COLEC12: variants seen among roughly 807,000 people sequenced by gnomAD.
COLEC12 encodes collectin subfamily member 12, also known as collectin-12.
A neutral mutation model predicts 71.1 loss-of-function variants in COLEC12; 33 were observed. The ratio of observed to expected loss-of-function variants is 0.46; its 90% CI spans 0.35 to 0.62. The LOEUF (loss-of-function observed/expected upper bound fraction) is 0.62, where lower values mean the gene tolerates loss of function less well. Ranked by LOEUF, COLEC12 falls within the 20% of genes least tolerant of loss-of-function variation. The probability of loss-of-function intolerance (pLI) is 0.00; values close to 1 mark genes in which losing one functional copy is unlikely to be tolerated. For missense variants in COLEC12, 765 were observed against 916.1 expected, an observed-to-expected ratio of 0.84 and a Z score of 2.13; for synonymous variants, 350 against 353.0, an observed-to-expected ratio of 0.99 and a Z score of 0.10.
chr18:416,054 C>A (rs1022170747), intron 2 of COLEC12, among the ~76,000 whole-genome samples: 2 of 152,216 alleles, frequency 1.3e-5, no homozygotes, highest in Non-Finnish European at 2.9e-5. Context: ...ACTGAGTTAT[C>A]ATCATGCTAG....
At chr18:464,480 ACTGT>A (rs767278331) in intron 2 of COLEC12, among the ~76,000 whole-genome samples, 47 of 152,216 alleles carry the variant, frequency 3.1e-4, no homozygotes, top group Non-Finnish European at 5.7e-4. Flanking sequence ...TCTCCCACTG[ACTGT>A]CTGGGGACTT....
chr18:379,852 C>T lies in COLEC12; in HGVS notation c.59-22330G>A, dbSNP rs528898256. 2.9e-4 allele frequency among the ~76,000 whole-genome samples: 44 copies of T among 152,080 alleles called. 1 individual carries two copies. Among genetic ancestry groups the T allele is most frequent in the East Asian group, 7.8e-4 (4 of 5,150 alleles). ...AGCATGGCTGGGACAGTGCGCAGGA[C>T]GAAAGCCATCTGGTAGCTTTGCTTG... is the stretch of plus-strand genomic sequence containing the variant. On this transcript the variant is annotated intron_variant, in intron 2 of 9. Coordinates refer to ENST00000400256, the MANE Select transcript of COLEC12 (RefSeq NM_130386.3).
chr18:402,306 G>C (rs1915703493), intron 2 of COLEC12, among the ~76,000 whole-genome samples: 1 of 152,104 alleles, frequency 6.6e-6, no homozygotes. Flanking sequence ...CCCATGACCA[G>C]TCTGGTTGTG....
At chr18:387,667 G>T (rs1220447531) in intron 2 of COLEC12, among the ~76,000 whole-genome samples, 2 of 152,188 alleles carry the variant, frequency 1.3e-5, no homozygotes, top group East Asian at 3.8e-4. Flanking sequence ...ATATACGGCT[G>T]TGTATTTTCA....
chr18:410,938 C>T (rs4797128), intron 2 of COLEC12, among the ~76,000 whole-genome samples: 99,342 of 151,972 alleles, frequency 0.65, 32,923 homozygotes, highest in South Asian at 0.72. Flanking sequence ...GTGGGGAACC[C>T]AGACTCTCCT....
At chr18:405,106 C>T (rs572443113) in intron 2 of COLEC12, among the ~76,000 whole-genome samples, 1 of 152,262 alleles carries the variant, frequency 6.6e-6, no homozygotes, top group East Asian at 1.9e-4. Context: ...GGTTGGGAAA[C>T]TCCACCCTGG....
At chr18:418,148 GCTT>G (rs1916026195) in intron 2 of COLEC12, among the ~76,000 whole-genome samples, 1 of 152,140 alleles carries the variant, frequency 6.6e-6, no homozygotes, top group East Asian at 1.9e-4. Context: ...CTGTACCTCT[GCTT>G]CTCTATTTGA....
rs1048653149 is a variant in COLEC12, at chr18:480,345, C to A, written c.58+362G>T. 2.0e-5 allele frequency among the ~76,000 whole-genome samples: 3 copies of A among 152,224 alleles called. No homozygotes were observed. Among genetic ancestry groups the A allele is most frequent in the African/African-American group, 7.2e-5 (3 of 41,460 alleles). Reference sequence around the variant, plus strand: ...CTGGGTTAGGAGTGTAAGGCCTGAGCAAAGACGTTTTCTGAATAACAAAAC... The same window carrying A: ...CTGGGTTAGGAGTGTAAGGCCTGAGAAAAGACGTTTTCTGAATAACAAAAC... On this transcript the variant is annotated intron_variant, in intron 2 of 9. Transcript: ENST00000400256. The surrounding 1 kb of genome is among the most constrained non-coding windows in gnomAD (Gnocchi z 4.1).
chr18:417,041 G>GACACACAC (rs35399538), intron 2 of COLEC12, among the ~76,000 whole-genome samples: 16 of 150,194 alleles, frequency 1.1e-4, no homozygotes, highest in African/African-American at 3.4e-4. Flanking sequence ...CATGCACCCA[G>GACACACAC]ACACACACAC....
intron 1 of COLEC12, among the ~76,000 whole-genome samples, chr18:484,312 C>A (rs1917479567): frequency 6.6e-6 from 1 of 152,166 alleles, no homozygotes; most frequent in Non-Finnish European, 1.5e-5. Flanking sequence ...ATGTCCAAAC[C>A]CATGAGGAGT....
intron 2 of COLEC12, among the ~76,000 whole-genome samples, chr18:420,686 G>A (rs1011290798): frequency 6.6e-6 from 1 of 152,102 alleles, no homozygotes; most frequent in African/African-American, 2.4e-5. Flanking sequence ...AGAAAGATTC[G>A]AATGTTAAAC....
intron 3 of COLEC12, among the ~76,000 whole-genome samples, chr18:351,601 C>G (rs1186544423): frequency 6.6e-6 from 1 of 152,076 alleles, no homozygotes; most frequent in African/African-American, 2.4e-5. Flanking sequence ...GAGTTTCACT[C>G]TTGTTGCCCA....
chr18:327,814 G>A lies in COLEC12; in HGVS notation c.2063+3854C>T, dbSNP rs568411462. Among the ~76,000 whole-genome samples the A allele has an allele frequency of 7.2e-5, 11 of 152,314 alleles. No homozygotes were observed. The highest frequency in any genetic ancestry group is 2.1e-4 in the South Asian group (1 of 4,820). On this transcript the variant is annotated intron_variant, in intron 8 of 9. Coordinates refer to ENST00000400256, the MANE Select transcript of COLEC12 (RefSeq NM_130386.3). This position sits in a 1 kb window ranked among gnomAD's most constrained non-coding sequence, Gnocchi z 4.0. ...TCCTAGCCTGGGCAAGGGATGGGAC[G>A]GTGCCAGGCCCATCGGCTTCTATTT... is the stretch of plus-strand genomic sequence containing the variant.
At chr18:456,233 G>A (rs570789654) in intron 2 of COLEC12, among the ~76,000 whole-genome samples, 3 of 152,194 alleles carry the variant, frequency 2.0e-5, no homozygotes, top group Non-Finnish European at 4.4e-5. Context: ...CAGGCACACT[G>A]TAGCTACTAT....
At chr18:324,126 T>C (rs1267112983) in intron 8 of COLEC12, among the ~76,000 whole-genome samples, 1 of 152,106 alleles carries the variant, frequency 6.6e-6, no homozygotes, top group Non-Finnish European at 1.5e-5. Flanking sequence ...ATTTATTCTG[T>C]GGGCTGACCA....
chr18:334,029 T>C (rs1914046197), intron 6 of COLEC12: 1 of 149,806 alleles, frequency 6.7e-6, no homozygotes, highest in African/African-American at 2.5e-5. Flanking sequence ...AAAAGGAAAA[T>C]AAAAAATTAG....
At position 356,969 on chromosome 18, in the gene COLEC12, C is replaced by T. The variant is rs115664382; in HGVS notation, c.181+431G>A. Among the ~76,000 whole-genome samples the T allele has an allele frequency of 9.5e-3, 1,445 of 152,212 alleles. 24 individuals are homozygous for T. Among genetic ancestry groups the T allele is most frequent in the African/African-American group, 0.033 (1,373 of 41,514 alleles). On this transcript the variant is annotated intron_variant, in intron 3 of 9. Transcript: ENST00000400256. ...CAGAGAAAAAAGGGAATTAGTTGGC[C>T]GATCCCTGGGTGAAGTATGTTGTAT...
intron 8 of COLEC12, among the ~76,000 whole-genome samples, 194 bp from the exon 9 acceptor site, chr18:322,001 G>A (rs977148110): frequency 2.0e-5 from 3 of 152,152 alleles, no homozygotes; most frequent in Admixed American, 6.5e-5. Context: ...TGCATAATGC[G>A]GCATCTCCCT....
chr18:365,163 C>T (rs752538310), intron 2 of COLEC12, among the ~76,000 whole-genome samples: 4 of 152,100 alleles, frequency 2.6e-5, no homozygotes, highest in African/African-American at 7.2e-5. Context: ...ATGTAGTCTC[C>T]GGTGGGTTAA....
Sources: gnomAD v4.1 joint callset for allele counts (sites outside exome capture counted in the v4.1 genomes callset) on GRCh38, gnomAD v4.1.1 for gene constraint, Gnocchi (gnomAD v3.1) non-coding constraint, MANE v1.5 for transcripts, NCBI Gene and HGNC (gene_info 2026-07-23, HGNC 2026-07-21) for gene names.